Variants in STK32B observed in about 807,000 individuals in gnomAD.
STK32B encodes serine/threonine-protein kinase 32B.
Under a neutral mutation model 52.6 loss-of-function variants are expected in STK32B, and 43 were observed. The observed-to-expected ratio is 0.82, with a 90% CI of 0.64 to 1.05. The LOEUF is 1.05. Ranked by LOEUF, STK32B falls within the 50% of genes least tolerant of loss-of-function variation. The pLI is 0.00. For synonymous variants in STK32B, 238 were observed against 204.3 expected, an observed-to-expected ratio of 1.17 and a Z score of -1.41; for missense variants, 621 against 534.6, an observed-to-expected ratio of 1.16 and a Z score of -1.59.
intron 4 of STK32B, among the ~76,000 whole-genome samples, chr4:5,373,078 G>C (rs1735359670): frequency 6.6e-6 from 1 of 152,184 alleles, no homozygotes; most frequent in Non-Finnish European, 1.5e-5. Flanking sequence ...GGAGGGTGGG[G>C]AGGGGAGAAA....
rs16837144 is a variant in STK32B at position 5,400,708 on chromosome 4, A to T, written c.472+2464A>T. ...TCTGGGGAGAGAAGAGAAAGAGAGA[A>T]TTCTATGCCCATGGCCCTCCTTTAC... On this transcript the variant is annotated intron_variant, in intron 5 of 11. Transcript: ENST00000282908. This position sits in a 1 kb window ranked among gnomAD's most constrained non-coding sequence, Gnocchi z 6.1. 2.8e-4 allele frequency among the ~76,000 whole-genome samples: 42 copies of T among 152,332 alleles called. No homozygotes were observed. The highest frequency in any genetic ancestry group is 9.9e-4 in the African/African-American group (41 of 41,592).
chr4:5,094,636 C>G (rs1183883944), intron 1 of STK32B, among the ~76,000 whole-genome samples: 4 of 152,096 alleles, frequency 2.6e-5, no homozygotes, highest in Non-Finnish European at 5.9e-5. Flanking sequence ...GCCTAGGTGA[C>G]AGAGAGAGAC....
At chr4:5,126,714 C>G (rs1348879037) in intron 1 of STK32B, among the ~76,000 whole-genome samples, 1 of 152,228 alleles carries the variant, frequency 6.6e-6, no homozygotes, top group East Asian at 1.9e-4. Context: ...CAACTTAGGA[C>G]AAATCAGGTG....
intron 4 of STK32B, among the ~76,000 whole-genome samples, chr4:5,343,898 TA>T (rs1314130719): frequency 1.3e-5 from 2 of 152,234 alleles, no homozygotes; most frequent in African/African-American, 2.4e-5. Flanking sequence ...TATGTTATGT[TA>T]AAAATTTCTC....
chr4:5,317,641 C>T (rs1166872151), intron 3 of STK32B, among the ~76,000 whole-genome samples: 2 of 146,620 alleles, frequency 1.4e-5, no homozygotes, highest in Non-Finnish European at 1.5e-5. Flanking sequence ...TGGACCAGGC[C>T]CTGAGTGGAT....
the STK32B span, among the ~76,000 whole-genome samples, chr4:5,029,182 C>A: frequency 6.6e-6 from 1 of 152,156 alleles, no homozygotes; most frequent in African/African-American, 2.4e-5. Flanking sequence ...TCCCCAATGA[C>A]CCTTGCAGAA....
chr4:5,495,591 C>T (rs1397501559), intron 11 of STK32B, among the ~76,000 whole-genome samples: 2 of 152,340 alleles, frequency 1.3e-5, no homozygotes, highest in East Asian at 1.9e-4. Flanking sequence ...AAGTCATTCT[C>T]CCTCCAGCTT....
At chr4:5,489,711 C>T (rs918275947) in intron 11 of STK32B, among the ~76,000 whole-genome samples, 1 of 152,036 alleles carries the variant, frequency 6.6e-6, no homozygotes, top group Non-Finnish European at 1.5e-5. Flanking sequence ...ACCTCCGCCT[C>T]CCAGGTTCAA....
intron 3 of STK32B, among the ~76,000 whole-genome samples, chr4:5,311,665 A>T (rs1379968626): frequency 1.3e-5 from 2 of 152,160 alleles, no homozygotes; most frequent in Admixed American, 1.3e-4. Context: ...ATTTTTACTC[A>T]TAATTTTGAT....
chr4:5,165,243 A>C (rs1431437993), intron 2 of STK32B, among the ~76,000 whole-genome samples: 1 of 152,192 alleles, frequency 6.6e-6, no homozygotes, highest in Non-Finnish European at 1.5e-5. Context: ...TTTGCAAATC[A>C]AAACTTCCAG....
At chr4:5,211,297 A>C (rs985604375) in intron 3 of STK32B, among the ~76,000 whole-genome samples, 2 of 152,202 alleles carry the variant, frequency 1.3e-5, no homozygotes, top group Non-Finnish European at 2.9e-5. Flanking sequence ...GAAATTAAGA[A>C]GACAAGGCCT....
chr4:5,079,564 TA>T (rs1404733427), intron 1 of STK32B, among the ~76,000 whole-genome samples: 2 of 152,192 alleles, frequency 1.3e-5, no homozygotes, highest in African/African-American at 4.8e-5. Context: ...ACTATGTGTC[TA>T]AAACTGAAAT....
At chr4:5,169,814 G>A (rs140783893) in intron 3 of STK32B, among the ~76,000 whole-genome samples, 1 of 152,160 alleles carries the variant, frequency 6.6e-6, no homozygotes, top group African/African-American at 2.4e-5. Context: ...AATAAAATAC[G>A]TCAGAAAACA....
rs988900477 is a variant in STK32B, at chr4:5,145,383, A to G, written c.108+5423A>G. 4.6e-5 allele frequency among the ~76,000 whole-genome samples: 7 copies of G among 152,326 alleles called. No individual in the cohort carries two copies. In the East Asian group the frequency reaches 1.3e-3, roughly 29 times the overall value. ...TTGATGTAAAATGTACATACAACAG[A>G]ATGAACACATCTTAAACTTACATTT... On this transcript the variant is annotated intron_variant, in intron 2 of 11. Coordinates refer to ENST00000282908, the MANE Select transcript of STK32B (RefSeq NM_018401.3).
intron 3 of STK32B, among the ~76,000 whole-genome samples, chr4:5,193,368 T>A (rs1465562824): frequency 6.6e-6 from 1 of 152,218 alleles, no homozygotes; most frequent in East Asian, 1.9e-4. Context: ...CTCAGCTTAG[T>A]AGATGAACAC....
At chr4:5,024,734 C>G in the STK32B span, among the ~76,000 whole-genome samples, 1 of 152,230 alleles carries the variant, frequency 6.6e-6, no homozygotes, top group Non-Finnish European at 1.5e-5. Context: ...GGTGCCTGTT[C>G]TGCCCACGTT....
At chr4:5,301,453 T>C (rs10016174) in intron 3 of STK32B, among the ~76,000 whole-genome samples, 20,899 of 151,896 alleles carry the variant, frequency 0.14, 2,880 homozygotes, top group African/African-American at 0.36. Context: ...AATCTTTTCA[T>C]TTATGAAAGT....
chr4:5,286,483 A>C (rs1175502379), intron 3 of STK32B, among the ~76,000 whole-genome samples: 1 of 152,180 alleles, frequency 6.6e-6, no homozygotes, highest in Non-Finnish European at 1.5e-5. Flanking sequence ...TTCCTCCAGG[A>C]CAAACACTGT....
chr4:5,376,098 T>C (rs77265968), intron 4 of STK32B, among the ~76,000 whole-genome samples: 6,318 of 152,254 alleles, frequency 0.041, 274 homozygotes, highest in African/African-American at 0.1. Flanking sequence ...CCTCCCCTTC[T>C]AGGTCTGGAG....
Sources: gnomAD v4.1 joint callset for allele counts (sites outside exome capture counted in the v4.1 genomes callset) on GRCh38, gnomAD v4.1.1 for gene constraint, Gnocchi (gnomAD v3.1) non-coding constraint, MANE v1.5 for transcripts, NCBI Gene and HGNC (gene_info 2026-07-23, HGNC 2026-07-21) for gene names.